DNAH11: variants seen among roughly 807,000 people sequenced by gnomAD.
The protein encoded by DNAH11 is axonemal beta dynein heavy chain 11.
In DNAH11, 442 loss-of-function variants were observed where a neutral mutation model predicts 526.0. That is an observed-to-expected ratio of 0.84 (90% CI 0.78 to 0.91). The LOEUF (loss-of-function observed/expected upper bound fraction) is 0.91. DNAH11 is among the 40% of genes least tolerant of loss of function. DNAH11 has a pLI of 0.00. For missense variants in DNAH11, 6,989 were observed against 5,448.7 expected, an observed-to-expected ratio of 1.28 and a Z score of -8.90; for synonymous variants, 2,461 against 1,935.9, an observed-to-expected ratio of 1.27 and a Z score of -7.12.
At chr7:21,793,130 A>C (rs7780479) in intron 61 of DNAH11, among the ~76,000 whole-genome samples, 70,413 of 152,098 alleles carry the variant, frequency 0.46, 18,197 homozygotes, top group East Asian at 0.81. Flanking sequence ...GTCATTGACC[A>C]ACTGATTAGG....
rs535695840 is a variant in DNAH11 at position 21,835,607 on chromosome 7, C to T, written c.10692-6937C>T. Among the ~76,000 whole-genome samples, 4 of 152,146 alleles carry T rather than the reference C, an allele frequency of 2.6e-5. No individual in the cohort carries two copies. The South Asian group carries it at 8.3e-4, about 32-fold the overall frequency. ...CTCAACAAATTGTGTATAGAAGGAA[C>T]ATACCTCAAAACAATAAAGGCCATA... is the stretch of plus-strand genomic sequence containing the variant. On this transcript the variant is annotated intron_variant, in intron 65 of 81. Transcript: ENST00000409508.
intron 61 of DNAH11, among the ~76,000 whole-genome samples, chr7:21,799,755 A>G (rs1290156627): frequency 6.6e-6 from 1 of 152,248 alleles, no homozygotes; most frequent in Non-Finnish European, 1.5e-5. Flanking sequence ...GTATATATAC[A>G]TATTGCTTTA....
intron 55 of DNAH11, among the ~76,000 whole-genome samples, chr7:21,767,661 G>T (rs765154926): frequency 4.6e-5 from 7 of 152,172 alleles, no homozygotes; most frequent in Non-Finnish European, 1.0e-4. Flanking sequence ...AGTGCAAGCT[G>T]CTTATTTAAC....
intron 80 of DNAH11, 26 bp downstream of exon 80, chr7:21,899,474 T>G: frequency 6.4e-7 from 1 of 1,551,964 alleles, no homozygotes; most frequent in Non-Finnish European, 8.9e-7. Context: ...GTGCAGCCCC[T>G]GATGCACACA....
intron 2 of DNAH11, among the ~76,000 whole-genome samples, chr7:21,547,941 A>G (rs962912027): frequency 1.3e-5 from 2 of 152,286 alleles, no homozygotes; most frequent in Admixed American, 1.3e-4. Flanking sequence ...TAAGTTATGC[A>G]CATTTGTTTA....
rs757155570 is a variant in DNAH11 at position 21,780,430 on chromosome 7, G to C, written c.9483+1326G>C. Among the ~76,000 whole-genome samples, 5 of 152,052 alleles carry C rather than the reference G, an allele frequency of 3.3e-5. No individual in the cohort carries two copies. The South Asian group carries it at 6.2e-4, about 19-fold the overall frequency. On this transcript the variant is annotated intron_variant, in intron 57 of 81. Coordinates refer to ENST00000409508, the MANE Select transcript of DNAH11 (RefSeq NM_001277115.2). ...AGCGTGTTATTCCATTGAGCAATTA[G>C]GTATCACACATGATACAGTCACCGT...
intron 45 of DNAH11, among the ~76,000 whole-genome samples, chr7:21,733,955 G>C (rs966803406): frequency 6.6e-6 from 1 of 152,142 alleles, no homozygotes; most frequent in Non-Finnish European, 1.5e-5. Context: ...AAGGAGTTTT[G>C]GGAACATTGG....
chr7:21,556,295 C>A (rs937971423), intron 2 of DNAH11, among the ~76,000 whole-genome samples: 6 of 152,100 alleles, frequency 3.9e-5, no homozygotes, highest in African/African-American at 1.4e-4. Flanking sequence ...GGCTGGCTGC[C>A]AGTATTTAGA....
chr7:21,782,767 G>T (rs1441412198), intron 57 of DNAH11, among the ~76,000 whole-genome samples: 1 of 152,004 alleles, frequency 6.6e-6, no homozygotes. Flanking sequence ...AAAATCAGCC[G>T]GGTGTAGTGG....
At chr7:21,632,077 G>T (rs1786641516) in intron 25 of DNAH11, among the ~76,000 whole-genome samples, 1 of 152,324 alleles carries the variant, frequency 6.6e-6, no homozygotes, top group South Asian at 2.1e-4. Context: ...AACACCACAT[G>T]GAAGCTGCCA....
intron 39 of DNAH11, among the ~76,000 whole-genome samples, chr7:21,706,953 C>G (rs1274747390): frequency 6.6e-6 from 1 of 152,180 alleles, no homozygotes. Flanking sequence ...TTCTCATTAT[C>G]AAGGCTTTTC....
Position 21,707,806 on chromosome 7 carries a change from T to A in DNAH11, c.6654T>A (p.His2218Gln). 6.2e-7 allele frequency: 1 copy of A among 1,606,892 alleles called. No individual in the cohort carries two copies. The highest frequency in any genetic ancestry group is 1.7e-4 in the Middle Eastern group (1 of 6,032). ...CAGATGAACTCTTTGGTTTCATACA[T>A]CATGCTACCCGAGAATGGAAAGATG... ...VTTDELFGFI[H>Q]HATREWKDGK... Residue 2218 changes from histidine to glutamine, a missense_variant, in exon 40 of 82, where the codon CAT becomes CAA. Coordinates refer to ENST00000409508, the MANE Select transcript of DNAH11 (RefSeq NM_001277115.2).
rs2128443812 is a variant in DNAH11 at position 21,591,679 on chromosome 7, GA to G, written c.2667+105del. On this transcript the variant is annotated intron_variant, in intron 14 of 81. Coordinates refer to ENST00000409508, the MANE Select transcript of DNAH11 (RefSeq NM_001277115.2). Reference sequence around the variant, plus strand: ...AATGTGGGACTCTTTTATCAAGCCTGAAAGAGCTTTATGAATGGTATTATTA... The same window carrying G: ...AATGTGGGACTCTTTTATCAAGCCTGAAGAGCTTTATGAATGGTATTATTA... 1.8e-5 allele frequency: 22 copies of G among 1,225,636 alleles called. No individual in the cohort carries two copies. The South Asian group carries it at 4.9e-4, about 27-fold the overall frequency. 75.9% of individuals were successfully genotyped at this position (1,225,636 alleles called of 1,614,324 possible). A position where few individuals can be genotyped will look rare whatever the true frequency, so the allele number is the denominator to read the frequency against.
At chr7:21,613,057 C>T (rs996458594) in intron 20 of DNAH11, among the ~76,000 whole-genome samples, 4 of 151,850 alleles carry the variant, frequency 2.6e-5, no homozygotes, top group African/African-American at 9.7e-5. Context: ...TTTCCAGAAG[C>T]ATTAGTAATA....
At chr7:21,866,763 T>C (rs900198365) in intron 71 of DNAH11, 100 bp downstream of exon 71, 15 of 1,266,502 alleles carry the variant, frequency 1.2e-5, no homozygotes, top group Non-Finnish European at 1.6e-5. Context: ...ACCATCCATT[T>C]TGATGGGGAG....
chr7:21,894,558 A>G, intron 77 of DNAH11, 65 bp from the exon 78 acceptor site: 1 of 1,516,402 alleles, frequency 6.6e-7, no homozygotes, highest in Non-Finnish European at 9.1e-7. Flanking sequence ...AGTAGAGGAT[A>G]TACACAGTCA....
intron 81 of DNAH11, among the ~76,000 whole-genome samples, chr7:21,900,672 G>C (rs182706421): frequency 1.3e-5 from 2 of 152,286 alleles, no homozygotes; most frequent in East Asian, 3.9e-4. Context: ...AGAATAAGGT[G>C]CGACGGGGAG....
chr7:21,741,053 T>A (rs965129309), intron 48 of DNAH11, among the ~76,000 whole-genome samples: 15 of 152,204 alleles, frequency 9.9e-5, no homozygotes. Context: ...CTTGTGCTTA[T>A]GTTTAAATTG....
intron 30 of DNAH11, among the ~76,000 whole-genome samples, chr7:21,659,768 G>C (rs1422862506): frequency 6.6e-6 from 1 of 152,032 alleles, no homozygotes; most frequent in Non-Finnish European, 1.5e-5. Flanking sequence ...GCTTCCCAAT[G>C]CTCCTCATCG....
Sources: gnomAD v4.1 joint callset for allele counts (sites outside exome capture counted in the v4.1 genomes callset) on GRCh38, gnomAD v4.1.1 for gene constraint, MANE v1.5 for transcripts, NCBI Gene and HGNC (gene_info 2026-07-23, HGNC 2026-07-21) for gene names.